Variants in RGS6 observed in about 807,000 individuals in gnomAD.
The protein encoded by RGS6 is regulator of G-protein signaling 6.
RGS6 carries 30 observed loss-of-function variants against 78.5 expected under a neutral mutation model. The ratio of observed to expected loss-of-function variants is 0.38; its 90% confidence interval spans 0.29 to 0.52. RGS6 has a LOEUF of 0.52. RGS6 is among the 20% of genes least tolerant of loss of function. The pLI is 0.85. For missense variants in RGS6, 495 were observed against 609.7 expected (o/e 0.81, Z 1.98); for synonymous variants, 206 against 206.0 (o/e 1.00, Z 0.00).
intron 3 of RGS6, among the ~76,000 whole-genome samples, chr14:72,430,808 T>C (rs1312126911): frequency 6.6e-6 from 1 of 152,200 alleles, no homozygotes; most frequent in Non-Finnish European, 1.5e-5. Context: ...CAAATGCTGA[T>C]CACCCATGGG....
the RGS6 span, among the ~76,000 whole-genome samples, chr14:72,612,047 C>G: frequency 6.6e-6 from 1 of 152,156 alleles, no homozygotes; most frequent in African/African-American, 2.4e-5. Context: ...ACAGTCGATG[C>G]CCTGCCAAGG....
chr14:72,389,222 C>T (rs530234227), intron 3 of RGS6, among the ~76,000 whole-genome samples: 5 of 152,114 alleles, frequency 3.3e-5, no homozygotes, highest in African/African-American at 4.8e-5. Context: ...GTCCCTGTCC[C>T]GGATGTTCCA....
chr14:72,440,262 C>G (rs921430041), intron 3 of RGS6, among the ~76,000 whole-genome samples: 8 of 152,136 alleles, frequency 5.3e-5, no homozygotes. Flanking sequence ...ATGCAGTTTG[C>G]TCAGGGGATT....
At chr14:72,012,544 C>G (rs1437119281) in intron 2 of RGS6, among the ~76,000 whole-genome samples, 5 of 152,082 alleles carry the variant, frequency 3.3e-5, no homozygotes, top group African/African-American at 1.2e-4. Context: ...CACCATTTTC[C>G]CCACTTCTCT....
intron 2 of RGS6, among the ~76,000 whole-genome samples, chr14:72,141,907 A>G (rs946962139): frequency 6.7e-6 from 1 of 149,308 alleles, no homozygotes; most frequent in Non-Finnish European, 1.5e-5. Context: ...AAAAAAAAAC[A>G]AAACCCAAAG....
intron 2 of RGS6, among the ~76,000 whole-genome samples, chr14:72,340,330 A>G (rs1442977859): frequency 6.6e-6 from 1 of 152,176 alleles, no homozygotes; most frequent in African/African-American, 2.4e-5. Flanking sequence ...TAATGGCACT[A>G]TCTGGAGCAG....
chr14:72,587,160 C>T, the RGS6 span, among the ~76,000 whole-genome samples: 3 of 152,138 alleles, frequency 2.0e-5, no homozygotes, highest in East Asian at 1.9e-4. Context: ...TGAATGCCCA[C>T]GATGGCTCAT....
chr14:72,397,598 T>C (rs2091620628), intron 3 of RGS6, among the ~76,000 whole-genome samples: 1 of 151,818 alleles, frequency 6.6e-6, no homozygotes, highest in Admixed American at 6.6e-5. Flanking sequence ...TGAATAGGAG[T>C]GGTGAGAGAG....
intron 2 of RGS6, among the ~76,000 whole-genome samples, chr14:72,214,346 T>G (rs2045022095): frequency 6.6e-6 from 1 of 152,010 alleles, no homozygotes; most frequent in African/African-American, 2.4e-5. Context: ...CCAGCTGATT[T>G]TTTGCATTTT....
At chr14:71,868,311 G>C in the RGS6 span, among the ~76,000 whole-genome samples, 1,599 of 152,242 alleles carry the variant, frequency 0.011, 57 homozygotes, top group Admixed American at 0.077. Flanking sequence ...AGATGATTTT[G>C]ATAACTGAAA....
At chr14:72,538,987 A>G (rs1398175254) in intron 16 of RGS6, among the ~76,000 whole-genome samples, 1 of 152,152 alleles carries the variant, frequency 6.6e-6, no homozygotes, top group African/African-American at 2.4e-5. Context: ...TGCTGGGTGT[A>G]TGTTTGTGTC....
chr14:72,584,544 A>G, the RGS6 span, among the ~76,000 whole-genome samples: 1 of 152,154 alleles, frequency 6.6e-6, no homozygotes, highest in Non-Finnish European at 1.5e-5. Context: ...ATAACCATGC[A>G]GGGGTTGGGA....
chr14:72,550,462 C>T lies in RGS6; in HGVS notation c.1422+10368C>T, dbSNP rs1285665165. On this transcript the variant is annotated intron_variant, in intron 17 of 17. Coordinates refer to ENST00000553525, the MANE Select transcript of RGS6 (RefSeq NM_001204424.2). The stretch of plus-strand genomic sequence containing the variant: ...AGCCCCCGTGCCTAACAGGAAAAGA[C>T]AGACTGTCAAGCAAGGACCGAAAGC... The T allele has an allele frequency of 4.6e-6, 7 of 1,535,566 alleles. No individual in the cohort carries two copies. In the South Asian group the frequency reaches 7.1e-5, roughly 16 times the overall value.
chr14:72,229,086 A>G (rs1055873580), intron 2 of RGS6, among the ~76,000 whole-genome samples: 2 of 152,198 alleles, frequency 1.3e-5, no homozygotes. Context: ...AAATCATTGT[A>G]GATACATTTG....
rs182071838 is a variant in RGS6 at position 72,198,033 on chromosome 14, A to T, written c.85-154062A>T. Among the ~76,000 whole-genome samples, 17 of 152,256 alleles carry T rather than the reference A, an allele frequency of 1.1e-4. No individual in the cohort carries two copies. In the East Asian group the frequency reaches 3.3e-3, roughly 29 times the overall value. The stretch of plus-strand genomic sequence containing the variant: ...TCCTCTTCAGTATAATTTAGTCTCC[A>T]TAAGAATAAGTACTTGTTGTGTTTG... On this transcript the variant is annotated intron_variant, in intron 2 of 17. Transcript: ENST00000553525.
intron 3 of RGS6, among the ~76,000 whole-genome samples, chr14:72,393,089 A>T (rs769392227): frequency 7.9e-5 from 12 of 152,172 alleles, no homozygotes; most frequent in Non-Finnish European, 1.5e-4. Context: ...AGGGTCAGAT[A>T]CCATTTCATC....
At chr14:72,033,530 C>T (rs148483278) in intron 2 of RGS6, among the ~76,000 whole-genome samples, 458 of 152,170 alleles carry the variant, frequency 3.0e-3, no homozygotes, top group African/African-American at 0.01. Context: ...TCAGTGTGCT[C>T]GGCTGATGCT....
intron 2 of RGS6, among the ~76,000 whole-genome samples, chr14:72,190,527 A>C (rs2097309676): frequency 6.6e-6 from 1 of 152,190 alleles, no homozygotes; most frequent in African/African-American, 2.4e-5. Context: ...CAGGCCCTTC[A>C]CGGGCAGTGG....
chr14:72,089,937 G>C (rs114328759), intron 2 of RGS6, among the ~76,000 whole-genome samples: 1 of 152,082 alleles, frequency 6.6e-6, no homozygotes, highest in South Asian at 2.1e-4. Context: ...TGACAGGAAG[G>C]GAGATTGGAA....
Sources: allele counts gnomAD v4.1 joint callset (sites outside exome capture counted in the v4.1 genomes callset), GRCh38; gene constraint gnomAD v4.1.1; transcripts MANE v1.5; gene names NCBI Gene and HGNC (gene_info 2026-07-23, HGNC 2026-07-21).